Variants in CFAP70 observed in about 807,000 individuals in gnomAD.
CFAP70 encodes cilia- and flagella-associated protein 70.
CFAP70 carries 81 observed loss-of-function variants against 137.6 expected under a neutral mutation model. That is an observed-to-expected ratio of 0.59 (90% confidence interval 0.49 to 0.71). The LOEUF is 0.71. Among genes scored for constraint, CFAP70 ranks in the 30% least tolerant of loss-of-function variants. The probability of loss-of-function intolerance (pLI) is 0.00; values close to 1 mark genes in which losing one functional copy is unlikely to be tolerated. For synonymous variants in CFAP70, 382 were observed against 423.6 expected (o/e 0.90, Z 1.20); for missense variants, 976 against 1,226.7 (o/e 0.80, Z 3.05).
intron 9 of CFAP70, among the ~76,000 whole-genome samples, chr10:73,322,496 G>C (rs555598322): frequency 1.3e-5 from 2 of 150,302 alleles, no homozygotes; most frequent in South Asian, 2.1e-4. Flanking sequence ...AGGATCCCTT[G>C]AGCCCAGGAA....
chr10:73,262,664 T>C (rs2045373549), intron 25 of CFAP70, among the ~76,000 whole-genome samples: 1 of 152,158 alleles, frequency 6.6e-6, no homozygotes, highest in South Asian at 2.1e-4. Context: ...AAAAAAATTT[T>C]TAATAATTAT....
intron 3 of CFAP70, 94 bp from the exon 4 acceptor site, chr10:73,348,615 G>A: frequency 2.4e-6 from 2 of 818,812 alleles, no homozygotes; most frequent in Non-Finnish European, 3.7e-6. Flanking sequence ...AGATATGTAA[G>A]TTAAAAAAAA....
chr10:73,320,129 A>C (rs1240134976), intron 9 of CFAP70, among the ~76,000 whole-genome samples: 2 of 152,248 alleles, frequency 1.3e-5, no homozygotes, highest in Non-Finnish European at 2.9e-5. Context: ...TATATATAGA[A>C]ACTTGATGTT....
At chr10:73,282,472 A>G (rs1391639801) in intron 19 of CFAP70, among the ~76,000 whole-genome samples, 1 of 152,190 alleles carries the variant, frequency 6.6e-6, no homozygotes, top group Non-Finnish European at 1.5e-5. Context: ...GTATGGTACA[A>G]AACAACAGTC....
intron 25 of CFAP70, among the ~76,000 whole-genome samples, chr10:73,269,030 A>T (rs1259454336): frequency 6.6e-6 from 1 of 152,122 alleles, no homozygotes; most frequent in Admixed American, 6.5e-5. Flanking sequence ...GGATATTTAC[A>T]CTAAAGAGAA....
intron 1 of CFAP70, among the ~76,000 whole-genome samples, chr10:73,355,574 G>A (rs139040076): frequency 6.6e-6 from 1 of 152,266 alleles, no homozygotes; most frequent in African/African-American, 2.4e-5. Context: ...TCAGGAGTTC[G>A]AGATCAGCCT....
chr10:73,348,189 G>A, intron 4 of CFAP70: 1 of 1,614,188 alleles, frequency 6.2e-7, no homozygotes, highest in Non-Finnish European at 8.5e-7. Context: ...CTAAGGGTGA[G>A]CCTTGCACAG....
At chr10:73,294,504 T>A (rs2048394534) in intron 15 of CFAP70, 2 of 152,208 alleles carry the variant, frequency 1.3e-5, no homozygotes, top group Admixed American at 1.3e-4. Flanking sequence ...AGCAGCTAAC[T>A]GGTCCTAAGG....
intron 8 of CFAP70, among the ~76,000 whole-genome samples, chr10:73,327,763 T>C (rs1211383828): frequency 2.6e-5 from 4 of 151,936 alleles, no homozygotes; most frequent in African/African-American, 9.7e-5. Flanking sequence ...ATAAAATACC[T>C]AGGAATCCAA....
intron 8 of CFAP70, among the ~76,000 whole-genome samples, chr10:73,326,753 C>T (rs1174033610): frequency 6.6e-6 from 1 of 152,064 alleles, no homozygotes; most frequent in Non-Finnish European, 1.5e-5. Context: ...TGGATAAATT[C>T]CTCGACACAT....
intron 6 of CFAP70, among the ~76,000 whole-genome samples, chr10:73,337,352 C>T (rs1239403008): frequency 6.6e-6 from 1 of 152,056 alleles, no homozygotes; most frequent in Non-Finnish European, 1.5e-5. Context: ...GGCATGGTGG[C>T]GTGTGCCTGT....
chr10:73,254,737 C>T (rs890095461), intron 26 of CFAP70, among the ~76,000 whole-genome samples: 15 of 152,038 alleles, frequency 9.9e-5, no homozygotes, highest in African/African-American at 2.4e-5. Flanking sequence ...TCCTTTTCCC[C>T]TTATTGTTCT....
intron 14 of CFAP70, among the ~76,000 whole-genome samples, chr10:73,297,798 A>G (rs1461651371): frequency 6.6e-6 from 1 of 152,172 alleles, no homozygotes; most frequent in East Asian, 1.9e-4. Context: ...TAATCCATGC[A>G]TTATATTATT....
intron 5 of CFAP70, among the ~76,000 whole-genome samples, chr10:73,344,777 A>T (rs534847940): frequency 6.6e-6 from 1 of 152,328 alleles, no homozygotes; most frequent in South Asian, 2.1e-4. Flanking sequence ...AAATGTACAC[A>T]TAAAAATAAT....
chr10:73,325,868 AC>A (rs1430552739), intron 8 of CFAP70, among the ~76,000 whole-genome samples: 1 of 152,160 alleles, frequency 6.6e-6, no homozygotes, highest in East Asian at 1.9e-4. Flanking sequence ...AGAGACTTAG[AC>A]TCCCACACAA....
intron 19 of CFAP70, 90 bp downstream of exon 20, chr10:73,291,136 T>A (rs1469443152): frequency 3.4e-5 from 39 of 1,160,494 alleles, no homozygotes; most frequent in Non-Finnish European, 4.7e-5. Flanking sequence ...CATCTCAGCC[T>A]CCCAGGTTGC....
chr10:73,291,258 G>A (rs770067696), exon 19 of CFAP70: 23 of 1,614,000 alleles, frequency 1.4e-5, no homozygotes, highest in Non-Finnish European at 1.4e-5. Context: ...TGCTGTTGCA[G>A]AACCATTTGT....
intron 23 of CFAP70, 73 bp downstream of exon 24, chr10:73,274,360 C>A (rs1205020123): frequency 6.8e-7 from 1 of 1,468,720 alleles, no homozygotes; most frequent in Non-Finnish European, 9.1e-7. Context: ...TTAGTCCACA[C>A]AGATAGATGT....
rs535843539 is a variant in CFAP70 at position 73,358,549 on chromosome 10, T to A, written c.-40+165A>T. 7.5e-4 allele frequency among the ~76,000 whole-genome samples: 114 copies of A among 152,222 alleles called. 1 individual carries two copies. The highest frequency in any genetic ancestry group is 1.7e-3 in the South Asian group (8 of 4,824). On this transcript the variant is annotated intron_variant, in intron 1 of 26. Coordinates refer to ENST00000310715, the Ensembl canonical transcript of CFAP70. ...CGCCGGGCTGGGGTTGGCGGCAGAGTCCGCACCTGGCCGGGCCAGCGGCTT... is the reference window on the plus strand; with the variant it reads ...CGCCGGGCTGGGGTTGGCGGCAGAGACCGCACCTGGCCGGGCCAGCGGCTT...
Sources: gnomAD v4.1 joint callset for allele counts (sites outside exome capture counted in the v4.1 genomes callset) on GRCh38, gnomAD v4.1.1 for gene constraint, MANE v1.5 for transcripts, NCBI Gene and HGNC (gene_info 2026-07-23, HGNC 2026-07-21) for gene names.